NAALADL2: variants seen among roughly 807,000 people sequenced by gnomAD.
NAALADL2 encodes the protein inactive N-acetylated-alpha-linked acidic dipeptidase-like protein 2.
Under a neutral mutation model 87.2 loss-of-function variants are expected in NAALADL2, and 76 were observed. That is an observed-to-expected ratio of 0.87 (90% CI 0.72 to 1.05). The LOEUF (loss-of-function observed/expected upper bound fraction) is 1.05, where lower values mean the gene tolerates loss of function less well. Ranked by LOEUF, NAALADL2 falls within the 50% of genes least tolerant of loss-of-function variation. NAALADL2 has a pLI of 0.00. For synonymous variants in NAALADL2, 354 were observed against 331.0 expected, an observed-to-expected ratio of 1.07 and a Z score of -0.75; for missense variants, 1,089 against 945.8, an observed-to-expected ratio of 1.15 and a Z score of -1.99.
At chr3:174,610,609 C>A (rs1158493372) in intron 2 of NAALADL2, among the ~76,000 whole-genome samples, 7 of 152,084 alleles carry the variant, frequency 4.6e-5, no homozygotes, top group African/African-American at 1.2e-4. Flanking sequence ...ATCAAAACCA[C>A]AATGAGATAC....
intron 2 of NAALADL2, among the ~76,000 whole-genome samples, chr3:175,206,996 T>C (rs1233958195): frequency 6.6e-6 from 1 of 152,114 alleles, no homozygotes; most frequent in East Asian, 1.9e-4. Flanking sequence ...ACACATACAC[T>C]GGAGATACAC....
At chr3:174,770,735 G>C (rs904996346) in intron 3 of NAALADL2, among the ~76,000 whole-genome samples, 2 of 151,906 alleles carry the variant, frequency 1.3e-5, no homozygotes, top group African/African-American at 2.4e-5. Flanking sequence ...AGCTACTCAG[G>C]AGGCTGAGGC....
chr3:174,845,764 A>G (rs7636520), intron 3 of NAALADL2, among the ~76,000 whole-genome samples: 72,139 of 151,942 alleles, frequency 0.47, 17,835 homozygotes, highest in African/African-American at 0.61. Context: ...GGGATAGGGT[A>G]CCTCATGGTT....
intron 2 of NAALADL2, among the ~76,000 whole-genome samples, chr3:174,667,343 T>C (rs1159997531): frequency 2.0e-5 from 3 of 152,090 alleles, no homozygotes; most frequent in African/African-American, 7.2e-5. Flanking sequence ...AAGGGTTTCC[T>C]GCTTTAAGGG....
intron 1 of NAALADL2, among the ~76,000 whole-genome samples, chr3:175,091,171 T>C (rs1720050794): frequency 2.6e-5 from 4 of 152,138 alleles, no homozygotes; most frequent in Admixed American, 2.6e-4. Flanking sequence ...CAAATGATTT[T>C]GCCTATAAAG....
At chr3:175,792,935 G>T (rs1244301490) in intron 13 of NAALADL2, among the ~76,000 whole-genome samples, 1 of 152,192 alleles carries the variant, frequency 6.6e-6, no homozygotes, top group Non-Finnish European at 1.5e-5. Context: ...AGAAAAAAGT[G>T]GATTAGCTTT....
intron 1 of NAALADL2, among the ~76,000 whole-genome samples, chr3:174,985,627 G>A (rs1382191435): frequency 6.6e-6 from 1 of 152,142 alleles, no homozygotes; most frequent in African/African-American, 2.4e-5. Context: ...TATATTGGAT[G>A]AGATTTGAAA....
intron 9 of NAALADL2, among the ~76,000 whole-genome samples, 189 bp downstream of exon 9, chr3:175,471,947 A>G (rs1421275156): frequency 6.6e-6 from 1 of 152,116 alleles, no homozygotes; most frequent in Non-Finnish European, 1.5e-5. Flanking sequence ...GGAATTCTTC[A>G]CTTGCTACTC....
intron 2 of NAALADL2, among the ~76,000 whole-genome samples, chr3:175,217,502 A>G (rs1742733943): frequency 2.0e-5 from 3 of 152,250 alleles, no homozygotes; most frequent in Admixed American, 2.0e-4. Flanking sequence ...AGTTGCATAT[A>G]TTTTTAAAGA....
chr3:175,152,372 AAGTT>A (rs1234944329), intron 2 of NAALADL2, among the ~76,000 whole-genome samples: 2 of 152,170 alleles, frequency 1.3e-5, no homozygotes, highest in African/African-American at 4.8e-5. Flanking sequence ...TGTGAATAAA[AAGTT>A]AGACAACTTT....
intron 1 of NAALADL2, among the ~76,000 whole-genome samples, chr3:174,490,941 A>G (rs1718152065): frequency 6.6e-6 from 1 of 152,090 alleles, no homozygotes; most frequent in South Asian, 2.1e-4. Flanking sequence ...TGGGATGAAA[A>G]TGAGAGATAA....
At chr3:175,044,204 T>C (rs560190690) in intron 1 of NAALADL2, among the ~76,000 whole-genome samples, 1 of 152,268 alleles carries the variant, frequency 6.6e-6, no homozygotes, top group South Asian at 2.1e-4. Flanking sequence ...GGAATTTGTA[T>C]GTTAATTTTG....
At chr3:175,393,655 A>C (rs1045904150) in intron 5 of NAALADL2, among the ~76,000 whole-genome samples, 2 of 152,184 alleles carry the variant, frequency 1.3e-5, no homozygotes, top group African/African-American at 4.8e-5. Flanking sequence ...AGAGTAAATT[A>C]TCTCAATAAC....
intron 1 of NAALADL2, among the ~76,000 whole-genome samples, chr3:174,901,562 T>C (rs1732302761): frequency 6.6e-6 from 1 of 152,198 alleles, no homozygotes; most frequent in African/African-American, 2.4e-5. Flanking sequence ...TCACCTTTTC[T>C]CAGTCCAGTT....
At chr3:175,725,859 G>A (rs1742851735) in intron 11 of NAALADL2, among the ~76,000 whole-genome samples, 1 of 152,080 alleles carries the variant, frequency 6.6e-6, no homozygotes, top group South Asian at 2.1e-4. Flanking sequence ...CTGGCATATG[G>A]CAAGAGTGCA....
intron 2 of NAALADL2, among the ~76,000 whole-genome samples, chr3:175,130,219 A>C (rs1727615925): frequency 6.6e-6 from 1 of 152,088 alleles, no homozygotes; most frequent in Non-Finnish European, 1.5e-5. Context: ...AACTTCTTAT[A>C]AATTTTGGAT....
At chr3:174,980,028 G>C (rs1228734511) in intron 1 of NAALADL2, among the ~76,000 whole-genome samples, 2 of 152,024 alleles carry the variant, frequency 1.3e-5, no homozygotes, top group Non-Finnish European at 2.9e-5. Flanking sequence ...GCTTGGGCCA[G>C]GCCTACTCTC....
At chr3:175,117,644 A>G (rs1406694712) in intron 2 of NAALADL2, among the ~76,000 whole-genome samples, 1 of 150,878 alleles carries the variant, frequency 6.6e-6, no homozygotes, top group Non-Finnish European at 1.5e-5. Flanking sequence ...GTGGAGAAAT[A>G]GGAACACTTT....
rs543274286 is a variant in NAALADL2 at position 175,680,150 on chromosome 3, C to G, written c.1896+52764C>G. Among the ~76,000 whole-genome samples, 31 of 152,270 alleles carry G rather than the reference C, an allele frequency of 2.0e-4. No homozygotes were observed. The South Asian group carries it at 6.4e-3, about 32-fold the overall frequency. On this transcript the variant is annotated intron_variant, in intron 11 of 13. Transcript: ENST00000454872. ...TTCAGAGGTATTTTAACCGTAATAT[C>G]CCATTTCTGGAAAGCCTTGCTCTTT...
Sources: gnomAD v4.1 joint callset for allele counts (sites outside exome capture counted in the v4.1 genomes callset) on GRCh38, gnomAD v4.1.1 for gene constraint, MANE v1.5 for transcripts, NCBI Gene and HGNC (gene_info 2026-07-23, HGNC 2026-07-21) for gene names.